Variants in ABCB5 observed in about 807,000 individuals in gnomAD.
ABCB5 encodes the protein ATP-binding cassette sub-family B member 5.
Under a neutral mutation model 144.2 loss-of-function variants are expected in ABCB5, and 155 were observed. The observed-to-expected ratio is 1.08, with a 90% CI of 0.94 to 1.23. The LOEUF (loss-of-function observed/expected upper bound fraction) is 1.23, where lower values mean the gene tolerates loss of function less well. Ranked by LOEUF, ABCB5 falls within the 50% of genes most tolerant of loss-of-function variation. The pLI, the probability that ABCB5 is intolerant of heterozygous loss-of-function variation, is 0.00. For synonymous variants in ABCB5, 610 were observed against 528.6 expected, an observed-to-expected ratio of 1.15 and a Z score of -2.11; for missense variants, 1,830 against 1,520.8, an observed-to-expected ratio of 1.20 and a Z score of -3.38.
At chr7:20,680,539 C>T (rs1353861960) in intron 14 of ABCB5, among the ~76,000 whole-genome samples, 1 of 148,842 alleles carries the variant, frequency 6.7e-6, no homozygotes, top group Admixed American at 6.7e-5. Context: ...CACTGCACTC[C>T]AGCCTGGGCG....
chr7:20,685,590 C>A, intron 15 of ABCB5, 106 bp from the exon 16 acceptor site: 1 of 1,012,610 alleles, frequency 9.9e-7, no homozygotes, highest in Non-Finnish European at 1.4e-6. Flanking sequence ...TAGAATATGC[C>A]ACTTTCAATA....
At chr7:20,701,319 A>G (rs1786619142) in intron 19 of ABCB5, among the ~76,000 whole-genome samples, 1 of 152,154 alleles carries the variant, frequency 6.6e-6, no homozygotes. Context: ...TGTATTTCAC[A>G]TTTGTTGACT....
chr7:20,616,260 T>A (rs1190877391), intron 1 of ABCB5, among the ~76,000 whole-genome samples: 1 of 152,214 alleles, frequency 6.6e-6, no homozygotes, highest in Non-Finnish European at 1.5e-5. Flanking sequence ...GGTCTCGAAC[T>A]CCTGACCTCA....
chr7:20,685,977 C>A (rs1785982050), intron 16 of ABCB5, 141 bp downstream of exon 16: 1 of 910,112 alleles, frequency 1.1e-6, no homozygotes, highest in Non-Finnish European at 1.6e-6. Context: ...CCAAATTTCA[C>A]TCTAGCATCA....
At chr7:20,740,421 G>A (rs1005010266) in intron 24 of ABCB5, among the ~76,000 whole-genome samples, 1 of 152,112 alleles carries the variant, frequency 6.6e-6, no homozygotes, top group Non-Finnish European at 1.5e-5. Context: ...ATGTATGACA[G>A]CTTAAAATAC....
chr7:20,731,273 A>G (rs1008088464), intron 23 of ABCB5, among the ~76,000 whole-genome samples: 2 of 151,196 alleles, frequency 1.3e-5, no homozygotes, highest in African/African-American at 2.4e-5. Flanking sequence ...GAATTGCTTC[A>G]ACCCCGGAGG....
chr7:20,687,321 A>C (rs1170409171), intron 16 of ABCB5, among the ~76,000 whole-genome samples: 2 of 152,264 alleles, frequency 1.3e-5, no homozygotes, highest in Non-Finnish European at 2.9e-5. Flanking sequence ...AGGAATTTCC[A>C]GATTTCTGGA....
At chr7:20,627,583 G>C (rs927471464) in intron 3 of ABCB5, among the ~76,000 whole-genome samples, 1 of 151,714 alleles carries the variant, frequency 6.6e-6, no homozygotes, top group Non-Finnish European at 1.5e-5. Context: ...AGATGCTATG[G>C]GGACCTACTA....
At chr7:20,659,994 G>C in intron 14 of ABCB5, 1 of 985,470 alleles carries the variant, frequency 1.0e-6, no homozygotes, top group Non-Finnish European at 1.2e-6. Flanking sequence ...AGTTACATAA[G>C]ATTTTAAAAA....
At chr7:20,648,594 CT>C (rs1177946530) in intron 11 of ABCB5, among the ~76,000 whole-genome samples, 20 of 152,136 alleles carry the variant, frequency 1.3e-4, no homozygotes, top group African/African-American at 4.3e-4. Context: ...AAATGTGTGT[CT>C]TTTTTATTGT....
At position 20,738,980 on chromosome 7, in the gene ABCB5, TAG is replaced by T. The variant is rs753355565; in HGVS notation, c.2868_2869del. On this transcript the variant is annotated splice_acceptor_variant, in intron 23 of 27. Coordinates refer to ENST00000404938, the MANE Select transcript of ABCB5 (RefSeq NM_001163941.2). LOFTEE classifies it high-confidence loss of function. ...AAGATTCAAATGCTTTATCTTTTGA[TAG>T]AGTTTTTACTGCAATTGCATATGGA... 30 of 1,587,220 alleles carry T rather than the reference TAG, an allele frequency of 1.9e-5. No individual in the cohort carries two copies. Among genetic ancestry groups the T allele is most frequent in the Non-Finnish European group, 2.6e-5 (30 of 1,168,042 alleles).
intron 15 of ABCB5, among the ~76,000 whole-genome samples, chr7:20,683,976 T>G (rs1293113421): frequency 6.8e-3 from 1 of 148 alleles, no homozygotes; most frequent in Non-Finnish European, 0.013. Context: ...CTAATAGTTT[T>G]AGTCCTTGGC....
At chr7:20,696,799 T>C (rs1209170807) in intron 16 of ABCB5, among the ~76,000 whole-genome samples, 1 of 152,194 alleles carries the variant, frequency 6.6e-6, no homozygotes, top group Non-Finnish European at 1.5e-5. Context: ...GTTTTGTTTT[T>C]ATCTTATTTA....
chr7:20,653,830 G>A (rs925174312), intron 13 of ABCB5, among the ~76,000 whole-genome samples: 3 of 152,246 alleles, frequency 2.0e-5, no homozygotes, highest in African/African-American at 7.2e-5. Context: ...GCTGCAAGCG[G>A]AACACTGGAT....
At chr7:20,728,266 C>T (rs1562582325) in intron 22 of ABCB5, 49 bp from the exon 23 acceptor site, 2 of 1,593,714 alleles carry the variant, frequency 1.3e-6, no homozygotes, top group East Asian at 2.3e-5. Flanking sequence ...ATTCAATTGA[C>T]CTTGCTATAA....
intron 26 of ABCB5, among the ~76,000 whole-genome samples, chr7:20,750,751 C>T (rs908791954): frequency 3.3e-5 from 5 of 151,204 alleles, no homozygotes; most frequent in Non-Finnish European, 5.9e-5. Flanking sequence ...ATCTGTGTAA[C>T]GGCTCAAACC....
At chr7:20,668,721 TG>T (rs1225830355) in intron 14 of ABCB5, among the ~76,000 whole-genome samples, 3 of 101,446 alleles carry the variant, frequency 3.0e-5, no homozygotes, top group Admixed American at 9.8e-5. Flanking sequence ...AGGAGGGAGG[TG>T]GGGGGGTCAG....
chr7:20,665,768 G>T lies in ABCB5; in HGVS notation c.1707+7092G>T, dbSNP rs1136392. The stretch of plus-strand genomic sequence containing the variant: ...ATAGATAGATAGATAGATAGATAGA[G>T]ATACATACATACATACATACATACA... On this transcript the variant is annotated intron_variant, in intron 14 of 27. Coordinates refer to ENST00000404938, the MANE Select transcript of ABCB5 (RefSeq NM_001163941.2). 2.2e-3 allele frequency among the ~76,000 whole-genome samples: 281 copies of T among 125,442 alleles called. 1 individual carries two copies. The highest frequency in any genetic ancestry group is 3.9e-3 in the Middle Eastern group (1 of 258). 82.3% of individuals were successfully genotyped at this position (125,442 alleles called of 152,430 possible).
chr7:20,696,600 T>C (rs1786423474), intron 16 of ABCB5, among the ~76,000 whole-genome samples: 1 of 152,136 alleles, frequency 6.6e-6, no homozygotes, highest in Non-Finnish European at 1.5e-5. Flanking sequence ...AAACTATAAC[T>C]CAAGAAAGCT....
Sources: allele counts gnomAD v4.1 joint callset (sites outside exome capture counted in the v4.1 genomes callset), GRCh38; gene constraint gnomAD v4.1.1; transcripts MANE v1.5; gene names NCBI Gene and HGNC (gene_info 2026-07-23, HGNC 2026-07-21).